DDB2: variants seen among roughly 807,000 people sequenced by gnomAD.
The protein encoded by DDB2 is DNA damage-binding protein 2.
In DDB2, 27 loss-of-function variants were observed where a neutral mutation model predicts 50.5. That is an observed-to-expected ratio of 0.53 (90% CI 0.39 to 0.74). DDB2 has a LOEUF of 0.74. DDB2 is among the 30% of genes least tolerant of loss of function. The probability of loss-of-function intolerance (pLI) is 0.00; values close to 1 mark genes in which losing one functional copy is unlikely to be tolerated. For missense variants in DDB2, 424 were observed against 545.6 expected (o/e 0.78, Z 2.22); for synonymous variants, 176 against 205.5 (o/e 0.86, Z 1.23).
intron 3 of DDB2, among the ~76,000 whole-genome samples, chr11:47,222,063 C>T (rs1953493038): frequency 6.6e-6 from 1 of 152,128 alleles, no homozygotes; most frequent in Non-Finnish European, 1.5e-5. Flanking sequence ...GAAGCCATCA[C>T]CACAATTAAA....
At chr11:47,229,724 A>C (rs1311254768) in intron 3 of DDB2, 1 of 382,210 alleles carries the variant, frequency 2.6e-6, no homozygotes, top group Non-Finnish European at 5.0e-6. Context: ...AAAGTAAGAC[A>C]GTTGTGAAGC....
At position 47,229,911 on chromosome 11, in the gene DDB2, G is replaced by A. The variant is rs148533855; in HGVS notation, c.457-2903G>A. ...AGTGGCAGGATCATAGCTAACTACA[G>A]CCTTGAACTCCTGGGCTCAAGTCAC... On this transcript the variant is annotated intron_variant, in intron 3 of 9. Coordinates refer to ENST00000256996, the MANE Select transcript of DDB2 (RefSeq NM_000107.3). 327 of 355,194 alleles carry A rather than the reference G, an allele frequency of 9.2e-4. 2 individuals are homozygous for A. Among genetic ancestry groups the A allele is most frequent in the African/African-American group, 6.6e-3 (293 of 44,230 alleles). The allele number at this position is 355,194 out of a possible 1,614,324, so 22.0% of individuals were successfully genotyped here.
rs1363038601 is a variant in DDB2, at chr11:47,235,660, TCTCA to T, written c.1023+251_1023+254del. The T allele has an allele frequency of 7.6e-5, 42 of 556,170 alleles. No individual in the cohort carries two copies. In the East Asian group the frequency reaches 1.1e-3, roughly 15 times the overall value. 34.5% of individuals were successfully genotyped at this position (556,170 alleles called of 1,614,324 possible). On this transcript the variant is annotated intron_variant, in intron 7 of 9. Transcript: ENST00000256996. ...CTGAGTTTTTTCAGCCCAGCTCTGA[TCTCA>T]CTGTGAGAATTTTCTAAGATCCTGA...
Position 47,234,739 on chromosome 11 carries a change from C to T in DDB2, c.703-18C>T, listed in dbSNP as rs1953699379. ...CCTCGGTTCTGTGTCCCCACCTGAA[C>T]CGAGCTCTTCTCTGCAGCTTTGGAA... On this transcript the variant is annotated intron_variant, in intron 5 of 9. Transcript: ENST00000256996. 2 of 1,614,012 alleles carry T rather than the reference C, an allele frequency of 1.2e-6. No individual in the cohort carries two copies. Among genetic ancestry groups the T allele is most frequent in the Admixed American group, 1.7e-5 (1 of 59,992 alleles).
intron 7 of DDB2, chr11:47,237,610 T>C: frequency 2.1e-6 from 1 of 465,624 alleles, no homozygotes; most frequent in Admixed American, 3.3e-5. Context: ...TTTTTTTTGG[T>C]ATTTTTAGTA....
At chr11:47,233,078 C>A in intron 4 of DDB2, 119 bp downstream of exon 4, 2 of 1,165,384 alleles carry the variant, frequency 1.7e-6, no homozygotes, top group Non-Finnish European at 2.6e-6. Context: ...AAGATGTCAG[C>A]CACTTTCCGC....
intron 3 of DDB2, among the ~76,000 whole-genome samples, chr11:47,218,896 A>C (rs2135488192): frequency 6.6e-6 from 1 of 152,306 alleles, no homozygotes; most frequent in East Asian, 1.9e-4. Context: ...TTGAGTTTTA[A>C]AAAAAATTGT....
chr11:47,238,974 G>A lies in DDB2; in HGVS notation c.*125G>A, dbSNP rs751030002. ...ATCCAAGGTTAGGGTTGGAGCAGGG[G>A]TGCTGGGACCTGGGGCACTGTGGGA... On this transcript the variant is annotated 3_prime_UTR_variant, in exon 10 of 10. Coordinates refer to ENST00000256996, the MANE Select transcript of DDB2 (RefSeq NM_000107.3). The A allele has an allele frequency of 9.8e-7, 1 of 1,020,428 alleles. No individual in the cohort carries two copies. The highest frequency in any genetic ancestry group is 1.5e-6 in the Non-Finnish European group (1 of 676,638). The allele number at this position is 1,020,428 out of a possible 1,614,324, so 63.2% of individuals were successfully genotyped here.
intron 3 of DDB2, chr11:47,229,926 G>T: frequency 3.0e-6 from 1 of 338,468 alleles, no homozygotes; most frequent in South Asian, 2.4e-5. Context: ...GAACTCCTGG[G>T]CTCAAGTCAC....
chr11:47,232,723 G>T (rs1195121072), intron 3 of DDB2, 91 bp from the exon 4 acceptor site: 2 of 1,437,838 alleles, frequency 1.4e-6, no homozygotes, highest in Non-Finnish European at 2.0e-6. Context: ...CTCGAGGGGT[G>T]CTTCTGTGAC....
chr11:47,234,732 A>T (rs1459922971), intron 5 of DDB2, 25 bp from the exon 6 acceptor site: 2 of 1,613,728 alleles, frequency 1.2e-6, no homozygotes, highest in Non-Finnish European at 1.7e-6. Context: ...CTGTGTCCCC[A>T]CCTGAACCGA....
At chr11:47,224,320 A>G (rs1354539760) in intron 3 of DDB2, among the ~76,000 whole-genome samples, 1 of 151,838 alleles carries the variant, frequency 6.6e-6, no homozygotes, top group African/African-American at 2.4e-5. Context: ...CTCCACCTCC[A>G]GGGTTCAAGC....
In DDB2 at chr11:47,216,411, G is replaced by T; in HGVS notation, c.203G>T (p.Ser68Ile). 6.2e-7 allele frequency: 1 copy of T among 1,614,122 alleles called. No individual in the cohort carries two copies. The highest frequency in any genetic ancestry group is 8.5e-7 in the Non-Finnish European group (1 of 1,180,038). The change falls in exon 2 of 10, where the codon AGC (serine) becomes ATC (isoleucine). Residue 68 changes from serine (S) to isoleucine (I), a missense_variant. Transcript: ENST00000256996. ...AGPQILPPCR[S>I]IVRTLHQHKL... ...CCACAGATCCTGCCACCATGCCGCA[G>T]CATCGTCAGGACCCTCCACCAGCAT...
At chr11:47,234,006 C>A (rs978708510) in intron 4 of DDB2, among the ~76,000 whole-genome samples, 1 of 152,196 alleles carries the variant, frequency 6.6e-6, no homozygotes, top group African/African-American at 2.4e-5. Flanking sequence ...AAACTGTGAG[C>A]TGAGCTCTTC....
At chr11:47,234,520 A>C in intron 4 of DDB2, 53 bp from the exon 5 acceptor site, 1 of 1,474,014 alleles carries the variant, frequency 6.8e-7, no homozygotes, top group Non-Finnish European at 9.5e-7. Context: ...AACAGTGAGT[A>C]AATAGGACTA....
At chr11:47,217,930 T>G (rs748422472) in intron 3 of DDB2, among the ~76,000 whole-genome samples, 11 of 152,146 alleles carry the variant, frequency 7.2e-5, no homozygotes, top group Non-Finnish European at 1.2e-4. Context: ...CACATTGACC[T>G]CATCTTACGC....
rs771013456 is a variant in DDB2, at chr11:47,235,515, C to T, written c.1023+103C>T. On this transcript the variant is annotated intron_variant, in intron 7 of 9. Transcript: ENST00000256996. ...GGGCTGATGTGGTAAGCCTGCCACC[C>T]CAGATCGCTCCTGGCCCGAGCACAG... The T allele has an allele frequency of 4.7e-6, 6 of 1,265,596 alleles. No individual in the cohort carries two copies. The Admixed American group carries it at 1.2e-4, about 25-fold the overall frequency. The allele number at this position is 1,265,596 out of a possible 1,614,324, so 78.4% of individuals were successfully genotyped here. A position where few individuals can be genotyped will look rare whatever the true frequency, so the allele number is the denominator to read the frequency against.
intron 3 of DDB2, among the ~76,000 whole-genome samples, chr11:47,229,198 T>C (rs969333632): frequency 2.6e-5 from 4 of 151,896 alleles, no homozygotes; most frequent in African/African-American, 4.8e-5. Context: ...GGCAGCTCAG[T>C]ACATAGAGAC....
At chr11:47,226,278 CT>C (rs759607243) in intron 3 of DDB2, among the ~76,000 whole-genome samples, 2,506 of 139,194 alleles carry the variant, frequency 0.018, 65 homozygotes, top group African/African-American at 0.058. Context: ...CATTTATTTT[CT>C]TTTTTTTTTT....
Sources: allele counts gnomAD v4.1 joint callset (sites outside exome capture counted in the v4.1 genomes callset), GRCh38; gene constraint gnomAD v4.1.1; transcripts MANE v1.5; gene names NCBI Gene and HGNC (gene_info 2026-07-23, HGNC 2026-07-21).